The following PDE12 variants were observed in gnomAD, a reference collection of about 807,000 sequenced individuals.
The protein encoded by PDE12 is 2',5'-phosphodiesterase 12.
A neutral mutation model predicts 45.4 loss-of-function variants in PDE12; 26 were observed. The observed-to-expected ratio is 0.57, with a 90% CI of 0.42 to 0.79. The LOEUF (loss-of-function observed/expected upper bound fraction) is 0.79, where lower values mean the gene tolerates loss of function less well. PDE12 is among the 30% of genes least tolerant of loss of function. PDE12 has a pLI of 0.00. For synonymous variants in PDE12, 283 were observed against 323.9 expected, an observed-to-expected ratio of 0.87 and a Z score of 1.36; for missense variants, 668 against 790.0, an observed-to-expected ratio of 0.85 and a Z score of 1.85.
At chr3:57,596,438 C>T in the PDE12 span, among the ~76,000 whole-genome samples, 1 of 152,108 alleles carries the variant, frequency 6.6e-6, no homozygotes, top group Non-Finnish European at 1.5e-5. Context: ...GCTCAGTTTT[C>T]GGAGAATGAG....
chr3:57,614,403 A>AT, the PDE12 span, among the ~76,000 whole-genome samples: 1 of 152,130 alleles, frequency 6.6e-6, no homozygotes, highest in Non-Finnish European at 1.5e-5. Context: ...TAGAAAAAAA[A>AT]TTTTGAAGGG....
chr3:57,581,993 A>T, the PDE12 span, among the ~76,000 whole-genome samples: 1 of 152,186 alleles, frequency 6.6e-6, no homozygotes, highest in South Asian at 2.1e-4. Context: ...CCAACATAAC[A>T]AAGAAAAAAC....
the PDE12 span, among the ~76,000 whole-genome samples, chr3:57,578,282 C>T: frequency 6.6e-6 from 1 of 151,174 alleles, no homozygotes; most frequent in African/African-American, 2.4e-5. Flanking sequence ...AGACTGGGCG[C>T]AGTGGCTCAC....
In PDE12 at chr3:57,562,385, T is replaced by C. The variant is rs1316230342; in HGVS notation, c.*2381T>C. 1 of 152,370 alleles carries C rather than the reference T, an allele frequency of 6.6e-6. No individual in the cohort carries two copies. Among genetic ancestry groups the C allele is most frequent in the Non-Finnish European group, 1.5e-5 (1 of 68,180 alleles). The allele number at this position is 152,370 out of a possible 1,614,324, so 9.4% of individuals were successfully genotyped here. ...TGGAATGTTATTGTGAAGTGCCATA[T>C]ACTGTGATCAAATCTCCAGTATACG... On this transcript the variant is annotated 3_prime_UTR_variant, in exon 3 of 3. Coordinates refer to ENST00000311180, the MANE Select transcript of PDE12 (RefSeq NM_177966.7).
At chr3:57,639,944 A>G in the PDE12 span, among the ~76,000 whole-genome samples, 2 of 152,164 alleles carry the variant, frequency 1.3e-5, no homozygotes, top group African/African-American at 4.8e-5. Flanking sequence ...TGTTTTAAAT[A>G]TATCTATGTA....
the PDE12 span, chr3:57,577,494 GTC>G: frequency 2.4e-6 from 2 of 845,266 alleles, no homozygotes; most frequent in Non-Finnish European, 3.9e-6. Context: ...GGAAGAAAAT[GTC>G]TCTTTAAAAG....
the PDE12 span, chr3:57,634,606 A>G: frequency 6.8e-7 from 1 of 1,475,950 alleles, no homozygotes; most frequent in Non-Finnish European, 9.1e-7. Context: ...AATATGGCTT[A>G]TATGAAGTAT....
chr3:57,613,773 C>T, the PDE12 span, among the ~76,000 whole-genome samples: 10 of 151,508 alleles, frequency 6.6e-5, no homozygotes, highest in East Asian at 2.0e-3. Flanking sequence ...TGGTGGCAGG[C>T]ACCTGTAGTC....
In PDE12 at chr3:57,559,546, T is replaced by G; in HGVS notation, c.1388-16T>G. The stretch of plus-strand genomic sequence containing the variant: ...ACTTTAAAAAATACTTACATTAATG[T>G]TTTTTATATTCATAGGTGGGTATAT... On this transcript the variant is annotated splice_polypyrimidine_tract_variant and intron_variant, in intron 2 of 2. Coordinates refer to ENST00000311180, the MANE Select transcript of PDE12 (RefSeq NM_177966.7). 1 of 1,579,132 alleles carries G rather than the reference T, an allele frequency of 6.3e-7. No individual in the cohort carries two copies. Among genetic ancestry groups the G allele is most frequent in the Non-Finnish European group, 8.6e-7 (1 of 1,165,134 alleles).
chr3:57,579,253 C>CAAAAAAAAAA, the PDE12 span, among the ~76,000 whole-genome samples: 1 of 47,606 alleles, frequency 2.1e-5, no homozygotes. Flanking sequence ...AACTACATCT[C>CAAAAAAAAAA]AAAAAAAAAA....
chr3:57,614,544 GTT>G, the PDE12 span, among the ~76,000 whole-genome samples: 8 of 121,316 alleles, frequency 6.6e-5, no homozygotes, highest in South Asian at 2.7e-4. Flanking sequence ...TTTGTTTTTT[GTT>G]TTTTTTTTTT....
the PDE12 span, among the ~76,000 whole-genome samples, chr3:57,608,246 A>G: frequency 6.6e-6 from 1 of 152,196 alleles, no homozygotes; most frequent in Non-Finnish European, 1.5e-5. Context: ...AGCACTAAAC[A>G]TGGAAAGGAA....
At chr3:57,587,644 G>A in the PDE12 span, among the ~76,000 whole-genome samples, 8 of 151,780 alleles carry the variant, frequency 5.3e-5, no homozygotes, top group East Asian at 9.7e-4. Flanking sequence ...TTTTGAAGAC[G>A]ACTGCTTGAG....
chr3:57,623,406 T>C, the PDE12 span, among the ~76,000 whole-genome samples: 1 of 146,918 alleles, frequency 6.8e-6, no homozygotes, highest in Non-Finnish European at 1.5e-5. Context: ...CGGCTGGGCG[T>C]GGTGGCTCAC....
At position 57,556,775 on chromosome 3, in the gene PDE12, G is replaced by A. The variant is rs372009160; in HGVS notation, c.396G>A (p.Val132=). The change falls in exon 1 of 3, where the codon GTG becomes GTA. Residue 132 remains valine (V), a synonymous_variant. Transcript: ENST00000311180. This position sits in a 1 kb window ranked among gnomAD's most constrained non-coding sequence, Gnocchi z 5.0. ...VVKLYYREEA[V]AEDVLNVDAW... ...AGCTGTACTACCGGGAAGAGGCAGT[G>A]GCTGAGGACGTGCTCAACGTGGATG... 3.2e-5 allele frequency: 51 copies of A among 1,610,084 alleles called. No homozygotes were observed. The South Asian group carries it at 3.5e-4, about 11-fold the overall frequency.
downstream of PDE12, among the ~76,000 whole-genome samples, chr3:57,567,466 C>T (rs1446122131): frequency 6.6e-6 from 1 of 152,126 alleles, no homozygotes; most frequent in African/African-American, 2.4e-5. Flanking sequence ...TTGCCTGTGT[C>T]TAGATAAGCA....
the PDE12 span, among the ~76,000 whole-genome samples, chr3:57,619,072 G>A: frequency 7.9e-5 from 12 of 152,116 alleles, no homozygotes; most frequent in South Asian, 4.2e-4. Flanking sequence ...CAGGCAGGCC[G>A]GGTGCAGTGG....
chr3:57,556,944 G>A lies in PDE12; in HGVS notation c.565G>A (p.Asp189Asn), dbSNP rs376032028. The A allele has an allele frequency of 9.9e-6, 16 of 1,614,072 alleles. No homozygotes were observed. Among genetic ancestry groups the A allele is most frequent in the Admixed American group, 5.0e-5 (3 of 60,006 alleles). The change falls in exon 1 of 3, where the codon GAT becomes AAT. Residue 189 changes from aspartate to asparagine, a missense_variant. Physicochemically the swap from Asp to Asn is conservative, Grantham distance 23 (BLOSUM62 1). Coordinates refer to ENST00000311180, the MANE Select transcript of PDE12 (RefSeq NM_177966.7). This position sits in a 1 kb window ranked among gnomAD's most constrained non-coding sequence, Gnocchi z 5.0. The stretch of plus-strand genomic sequence containing the variant: ...CCCCAAACTCAGCCTCGAATTTGGG[G>A]ATCCCGCCAGCTCCCTTTTCCGCTG... ...VCPKLSLEFG[D>N]PASSLFRWYK...
At chr3:57,594,409 C>T in the PDE12 span, among the ~76,000 whole-genome samples, 4 of 152,126 alleles carry the variant, frequency 2.6e-5, no homozygotes, top group Non-Finnish European at 5.9e-5. Context: ...CTTCCTAACT[C>T]GAGCAGTATG....
Sources: allele counts gnomAD v4.1 joint callset (sites outside exome capture counted in the v4.1 genomes callset), GRCh38; gene constraint gnomAD v4.1.1; non-coding constraint Gnocchi (gnomAD v3.1); transcripts MANE v1.5; gene names NCBI Gene and HGNC (gene_info 2026-07-23, HGNC 2026-07-21).